The following FGF13 variants were observed in gnomAD, a reference collection of about 807,000 sequenced individuals.
FGF13 encodes the protein fibroblast growth factor homologous factor 2.
Under a neutral mutation model 19.5 loss-of-function variants are expected in FGF13, and 2 were observed. The ratio of observed to expected loss-of-function variants is 0.10; its 90% CI spans 0.04 to 0.32. The LOEUF (loss-of-function observed/expected upper bound fraction) is 0.32, where lower values mean the gene tolerates loss of function less well. FGF13 is among the 10% of genes least tolerant of loss of function. FGF13 has a pLI of 1.00. For missense variants in FGF13, 113 were observed against 192.7 expected (o/e 0.59, Z 2.45); for synonymous variants, 72 against 76.9 (o/e 0.94, Z 0.33).
At chrX:138,732,191 A>G (rs991554528) in intron 1 of FGF13, among the ~76,000 whole-genome samples, 1 of 111,926 alleles carries the variant, frequency 8.9e-6, no homozygotes, top group Non-Finnish European at 1.9e-5. Context: ...GTAGCTCAAA[A>G]AGTTAAACTT....
At position 138,848,061 on chromosome X, in the gene FGF13, G is replaced by C. The variant is rs370005771; in HGVS notation, c.217+9451C>G. 1.2e-4 allele frequency among the ~76,000 whole-genome samples: 13 copies of C among 112,446 alleles called. 1 individual carries two copies. In the South Asian group the frequency reaches 3.7e-3, roughly 32 times the overall value. On this transcript the variant is annotated intron_variant, in intron 3 of 6. Transcript: ENST00000436198. ...ATACTTGCAAGCTGCATCAGATTCT[G>C]AGAGCAGAACAAGTGTTTCAACAAT...
chrX:138,991,829 G>A (rs2092016861), intron 1 of FGF13, among the ~76,000 whole-genome samples: 1 of 111,646 alleles, frequency 9.0e-6, no homozygotes, highest in Non-Finnish European at 1.9e-5. Flanking sequence ...AATATCACCA[G>A]AAAATAAATA....
intron 3 of FGF13, among the ~76,000 whole-genome samples, chrX:138,644,558 G>A (rs2089286489): frequency 9.0e-6 from 1 of 111,515 alleles, no homozygotes; most frequent in South Asian, 3.8e-4. Context: ...GGGATTACAG[G>A]TGTGAGCCAC....
In FGF13 at chrX:138,628,667, A is replaced by G. The variant is rs2089087432; in HGVS notation, c.*4183T>C. ...GCATAGTTATGGTCAGCTGATGTAGATGAAGAGATATTCATTTTCCCTCAT... is the reference window on the plus strand; with the variant it reads ...GCATAGTTATGGTCAGCTGATGTAGGTGAAGAGATATTCATTTTCCCTCAT... On this transcript the variant is annotated 3_prime_UTR_variant, in exon 5 of 5. Transcript: ENST00000315930. The G allele has an allele frequency of 8.9e-6, 1 of 112,458 alleles. No individual in the cohort carries two copies. Among genetic ancestry groups the G allele is most frequent in the Admixed American group, 9.4e-5 (1 of 10,585 alleles). 9.3% of individuals were successfully genotyped at this position (112,458 alleles called of 1,213,427 possible).
In FGF13 at chrX:138,694,482, G is replaced by A. The variant is rs1289066664; in HGVS notation, c.402+8502C>T. Among the ~76,000 whole-genome samples, 9 of 85,128 alleles carry A rather than the reference G, an allele frequency of 1.1e-4. 1 individual carries two copies. In the South Asian group the frequency reaches 5.4e-3, roughly 51 times the overall value. 73.9% of individuals were successfully genotyped at this position (85,128 alleles called of 115,157 possible). A position where few individuals can be genotyped will look rare whatever the true frequency, so the allele number is the denominator to read the frequency against. Reference sequence around the variant, plus strand: ...TTTTTTTTTTTTGAGATGGAGTCTCGCTCTGTCACCCAGGCTGGAGTGCAG... The same window carrying A: ...TTTTTTTTTTTTGAGATGGAGTCTCACTCTGTCACCCAGGCTGGAGTGCAG... On this transcript the variant is annotated intron_variant, in intron 3 of 4. Coordinates refer to ENST00000315930, the MANE Select transcript of FGF13 (RefSeq NM_004114.5).
chrX:138,793,108 A>G (rs1454640370), intron 3 of FGF13, among the ~76,000 whole-genome samples: 1 of 111,561 alleles, frequency 9.0e-6, no homozygotes, highest in African/African-American at 3.3e-5. Flanking sequence ...TACAGCCACA[A>G]GCCAAGGAAC....
chrX:138,880,412 CA>C (rs2091416557), intron 1 of FGF13, among the ~76,000 whole-genome samples: 1 of 111,664 alleles, frequency 9.0e-6, no homozygotes, highest in African/African-American at 3.3e-5. Context: ...TTTACAATAG[CA>C]AAGACTTGGA....
At chrX:138,866,879 ATTCTC>A (rs996936966) in intron 1 of FGF13, among the ~76,000 whole-genome samples, 3 of 111,819 alleles carry the variant, frequency 2.7e-5, no homozygotes, top group Admixed American at 9.5e-5. Context: ...GTATGGGTCA[ATTCTC>A]TTCTCTTCTG....
At chrX:139,154,663 T>C (rs904764700) in intron 1 of FGF13, among the ~76,000 whole-genome samples, 5 of 111,880 alleles carry the variant, frequency 4.5e-5, no homozygotes, top group Admixed American at 3.8e-4. Context: ...ACACGCAATC[T>C]GCAATAGTAA....
At chrX:138,875,641 A>G (rs1447185617) in intron 1 of FGF13, among the ~76,000 whole-genome samples, 1 of 111,493 alleles carries the variant, frequency 9.0e-6, no homozygotes, top group Non-Finnish European at 1.9e-5. Context: ...ACTCTCCATA[A>G]TGTGGGTGGG....
intron 1 of FGF13, among the ~76,000 whole-genome samples, chrX:138,736,573 G>T (rs751162537): frequency 1.8e-5 from 2 of 110,315 alleles, no homozygotes; most frequent in African/African-American, 6.6e-5. Context: ...TGGAATGAGT[G>T]ATCTATAGAA....
intron 1 of FGF13, among the ~76,000 whole-genome samples, chrX:138,870,447 C>T (rs1475833973): frequency 8.9e-6 from 1 of 112,000 alleles, no homozygotes; most frequent in African/African-American, 3.2e-5. Context: ...CTGCATGCCT[C>T]CCAAACCTAC....
intron 1 of FGF13, among the ~76,000 whole-genome samples, chrX:139,155,981 G>A (rs1365352256): frequency 3.6e-5 from 4 of 111,971 alleles, no homozygotes; most frequent in African/African-American, 9.7e-5. Flanking sequence ...GCTCGGGGCT[G>A]TTTTTCAGGG....
chrX:138,962,296 T>G (rs1403224298), intron 1 of FGF13, among the ~76,000 whole-genome samples: 1 of 111,645 alleles, frequency 9.0e-6, no homozygotes, highest in East Asian at 2.8e-4. Context: ...TACAGTGAGA[T>G]ACCAGCTTAC....
intron 3 of FGF13, among the ~76,000 whole-genome samples, chrX:138,813,707 A>C (rs2090942536): frequency 8.9e-6 from 1 of 111,982 alleles, no homozygotes; most frequent in Non-Finnish European, 1.9e-5. Flanking sequence ...ATGCAATTCC[A>C]CTTTTAAGAC....
rs775596009 is a variant in FGF13, at chrX:138,625,013, A to G, written c.*7837T>C. 9.0e-6 allele frequency: 1 copy of G among 111,179 alleles called. No homozygotes were observed. Among genetic ancestry groups the G allele is most frequent in the South Asian group, 3.8e-4 (1 of 2,630 alleles). 9.2% of individuals were successfully genotyped at this position (111,179 alleles called of 1,213,427 possible). ...AAATACAAGTAAACTGTATTTTGAAAAATGGACCAAGGAGCTGAATAGACA... is the reference window on the plus strand; with the variant it reads ...AAATACAAGTAAACTGTATTTTGAAGAATGGACCAAGGAGCTGAATAGACA... On this transcript the variant is annotated 3_prime_UTR_variant, in exon 5 of 5. Transcript: ENST00000315930.
chrX:138,719,829 T>G (rs2090135288), intron 1 of FGF13, among the ~76,000 whole-genome samples: 1 of 112,969 alleles, frequency 8.9e-6, no homozygotes, highest in African/African-American at 3.2e-5. Flanking sequence ...AGACTGAAAT[T>G]ATTTAGTAAC....
At chrX:139,124,548 C>T (rs1236062048) in intron 1 of FGF13, among the ~76,000 whole-genome samples, 1 of 111,602 alleles carries the variant, frequency 9.0e-6, no homozygotes, top group Non-Finnish European at 1.9e-5. Context: ...AGGAACTTCT[C>T]TCCACATGTG....
At chrX:139,203,184 G>A (rs2084430137) in intron 1 of FGF13, among the ~76,000 whole-genome samples, 1 of 111,845 alleles carries the variant, frequency 8.9e-6, no homozygotes, top group African/African-American at 3.3e-5. Flanking sequence ...CCAACCCGCC[G>A]ATGGGAGGCC....
Sources: allele counts gnomAD v4.1 joint callset (sites outside exome capture counted in the v4.1 genomes callset), GRCh38; gene constraint gnomAD v4.1.1; transcripts MANE v1.5; gene names NCBI Gene and HGNC (gene_info 2026-07-23, HGNC 2026-07-21).